The following ADAMTS18 variants were observed in gnomAD, a reference collection of about 807,000 sequenced individuals.
ADAMTS18 encodes the protein A disintegrin and metalloproteinase with thrombospondin motifs 18.
ADAMTS18 carries 157 observed loss-of-function variants against 165.9 expected under a neutral mutation model. The ratio of observed to expected loss-of-function variants is 0.95; its 90% confidence interval spans 0.83 to 1.08. ADAMTS18 has a LOEUF of 1.08. ADAMTS18 is among the 50% of genes least tolerant of loss of function. The pLI is 0.00. For synonymous variants in ADAMTS18, 782 were observed against 578.2 expected (o/e 1.35, Z -5.06); for missense variants, 2,040 against 1,534.0 (o/e 1.33, Z -5.51).
chr16:77,375,462 C>G lies in ADAMTS18; in HGVS notation c.496-7739G>C, dbSNP rs988571483. ...AGAAGGGGTGAGAGGAGCGGGGAAG[C>G]TAATTTTAGAGGGGAGGTAACGGAA... On this transcript the variant is annotated intron_variant, in intron 3 of 22. Coordinates refer to ENST00000282849, the MANE Select transcript of ADAMTS18 (RefSeq NM_199355.4). Among the ~76,000 whole-genome samples, 39 of 152,164 alleles carry G rather than the reference C, an allele frequency of 2.6e-4. 1 individual carries two copies. Among genetic ancestry groups the G allele is most frequent in the Non-Finnish European group, 2.9e-5 (2 of 68,028 alleles).
chr16:77,417,020 G>T (rs975480220), intron 3 of ADAMTS18, among the ~76,000 whole-genome samples: 1 of 152,144 alleles, frequency 6.6e-6, no homozygotes, highest in Non-Finnish European at 1.5e-5. Flanking sequence ...TGCTTACATT[G>T]CTTGCCCTTT....
rs1300764832 is a variant in ADAMTS18, at chr16:77,353,724, C to G, written c.1614+9G>C. On this transcript the variant is annotated intron_variant, in intron 10 of 22. Coordinates refer to ENST00000282849, the MANE Select transcript of ADAMTS18 (RefSeq NM_199355.4). ...CTTAATGTAAGTTTGAAATCACAAGCAAACATACCTTCACAAAACCAAGGC... is the reference window on the plus strand; with the variant it reads ...CTTAATGTAAGTTTGAAATCACAAGGAAACATACCTTCACAAAACCAAGGC... 1.2e-6 allele frequency: 2 copies of G among 1,614,164 alleles called. No individual in the cohort carries two copies. Among genetic ancestry groups the G allele is most frequent in the South Asian group, 1.1e-5 (1 of 91,078 alleles).
intron 16 of ADAMTS18, among the ~76,000 whole-genome samples, chr16:77,316,090 C>A (rs1451582903): frequency 6.6e-6 from 1 of 152,142 alleles, no homozygotes; most frequent in Non-Finnish European, 1.5e-5. Flanking sequence ...TTCTAGCTTC[C>A]AGTTCTCTAC....
At chr16:77,431,740 C>G (rs1673758815) in intron 2 of ADAMTS18, 129 bp from the exon 3 acceptor site, 5 of 984,550 alleles carry the variant, frequency 5.1e-6, no homozygotes, top group Non-Finnish European at 8.0e-6. Context: ...GCACCTAGAT[C>G]AAATATAATT....
intron 17 of ADAMTS18, among the ~76,000 whole-genome samples, chr16:77,299,259 A>T (rs549174533): frequency 3.9e-5 from 6 of 152,234 alleles, no homozygotes; most frequent in Admixed American, 2.0e-4. Context: ...ATAGATCAAA[A>T]TATTAACATT....
chr16:77,378,987 G>A lies in ADAMTS18; in HGVS notation c.496-11264C>T, dbSNP rs1247497359. On this transcript the variant is annotated intron_variant, in intron 3 of 22. Coordinates refer to ENST00000282849, the MANE Select transcript of ADAMTS18 (RefSeq NM_199355.4). Reference sequence around the variant, plus strand: ...TAAGCAAGGTTTGAAGACCTGAAAAGACACATATTGATGAAATTCTTACAG... The same window carrying A: ...TAAGCAAGGTTTGAAGACCTGAAAAAACACATATTGATGAAATTCTTACAG... The A allele has an allele frequency of 2.6e-5, 4 of 152,250 alleles. No homozygotes were observed. The East Asian group carries it at 7.7e-4, about 29-fold the overall frequency. 9.4% of individuals were successfully genotyped at this position (152,250 alleles called of 1,614,324 possible).
intron 4 of ADAMTS18, among the ~76,000 whole-genome samples, chr16:77,366,258 C>T (rs1442555681): frequency 6.6e-6 from 1 of 152,182 alleles, no homozygotes; most frequent in African/African-American, 2.4e-5. Flanking sequence ...ATACTTGATT[C>T]AGCTATTGAA....
chr16:77,422,223 G>A (rs977410215), intron 3 of ADAMTS18, among the ~76,000 whole-genome samples: 7 of 152,000 alleles, frequency 4.6e-5, no homozygotes, highest in African/African-American at 1.2e-4. Flanking sequence ...ACTGAGGCCC[G>A]CAGACAGGTG....
chr16:77,363,979 A>G (rs2056754442), intron 5 of ADAMTS18, 94 bp from the exon 6 acceptor site: 1 of 1,311,772 alleles, frequency 7.6e-7, no homozygotes, highest in Non-Finnish European at 1.1e-6. Flanking sequence ...GCAGGCTTTA[A>G]TTTTACCAAA....
In ADAMTS18 at chr16:77,368,437, C is replaced by CAT. The variant is rs1491182400; in HGVS notation, c.496-715_496-714insAT. Among the ~76,000 whole-genome samples the CAT allele has an allele frequency of 6.9e-4, 92 of 132,962 alleles. 1 individual carries two copies. The highest frequency in any genetic ancestry group is 2.4e-3 in the African/African-American group (87 of 35,818). 87.2% of individuals were successfully genotyped at this position (132,962 alleles called of 152,430 possible). ...GTTCACACTTGATTTTTCTTTTTTT[C>CAT]TTTTTTTTTTTTTTTTTGAGATTAG... On this transcript the variant is annotated intron_variant, in intron 3 of 22. Transcript: ENST00000282849.
chr16:77,418,863 A>G (rs973023058), intron 3 of ADAMTS18, among the ~76,000 whole-genome samples: 1 of 152,228 alleles, frequency 6.6e-6, no homozygotes, highest in African/African-American at 2.4e-5. Flanking sequence ...AAAACACCCA[A>G]TTATTCGCCG....
chr16:77,370,391 C>A (rs537318358), intron 3 of ADAMTS18, among the ~76,000 whole-genome samples: 1 of 152,102 alleles, frequency 6.6e-6, no homozygotes, highest in Non-Finnish European at 1.5e-5. Flanking sequence ...AGTTGTAGGA[C>A]GCAAAAATCA....
chr16:77,306,660 T>C (rs2055687339), intron 16 of ADAMTS18, among the ~76,000 whole-genome samples: 1 of 152,206 alleles, frequency 6.6e-6, no homozygotes, highest in African/African-American at 2.4e-5. Context: ...GAAACTCAAT[T>C]CCTGTCCTCA....
chr16:77,361,963 C>A, intron 7 of ADAMTS18, 142 bp downstream of exon 7: 1 of 948,164 alleles, frequency 1.1e-6, no homozygotes, highest in Non-Finnish European at 1.6e-6. Context: ...CAATAGTCAC[C>A]ACAGGGTACA....
chr16:77,425,993 C>T (rs180845682), intron 3 of ADAMTS18, among the ~76,000 whole-genome samples: 9 of 152,030 alleles, frequency 5.9e-5, no homozygotes, highest in East Asian at 3.9e-4. Context: ...TTGCAGTGGG[C>T]CGAGATCGCT....
chr16:77,382,046 G>C (rs1190715492), intron 3 of ADAMTS18, among the ~76,000 whole-genome samples: 1 of 152,068 alleles, frequency 6.6e-6, no homozygotes, highest in Non-Finnish European at 1.5e-5. Context: ...TTTCAGGGCA[G>C]AACTGGACTA....
rs4038556 is a variant in ADAMTS18, at chr16:77,282,925, T to TTTTTTTTTTTC, written c.*1030_*1031insGAAAAAAAAAA. On this transcript the variant is annotated 3_prime_UTR_variant, in exon 23 of 23. Coordinates refer to ENST00000282849, the MANE Select transcript of ADAMTS18 (RefSeq NM_199355.4). ...TTCTCTCTTTTTTTTTTTTTTTTTT[T>TTTTTTTTTTTC]TGCTGTTAGCTCAATCCTAGGGCAA... is the stretch of plus-strand genomic sequence containing the variant. 2 of 125,582 alleles carry TTTTTTTTTTTC rather than the reference T, an allele frequency of 1.6e-5. No individual in the cohort carries two copies. Among genetic ancestry groups the TTTTTTTTTTTC allele is most frequent in the Non-Finnish European group, 3.5e-5 (2 of 56,638 alleles). The allele number at this position is 125,582 out of a possible 1,614,324, so 7.8% of individuals were successfully genotyped here.
intron 22 of ADAMTS18, among the ~76,000 whole-genome samples, chr16:77,284,889 G>C (rs959012955): frequency 6.6e-6 from 1 of 152,052 alleles, no homozygotes; most frequent in Non-Finnish European, 1.5e-5. Flanking sequence ...GATGTATTGG[G>C]AGTCAAGCCA....
Position 77,353,734 on chromosome 16 carries a change from T to C in ADAMTS18, c.1613A>G (p.Lys538Arg), listed in dbSNP as rs757069621. The change falls in exon 10 of 23, where the codon AAG (lysine) becomes AGG (arginine). Residue 538 changes from lysine to arginine, a missense_variant and splice_region_variant. By Grantham distance (26) the Lys-to-Arg change is conservative. Transcript: ENST00000282849. ...KAKLCSLGFV[K>R]DICKSLWCHR... ...GTTTGAAATCACAAGCAAACATACC[T>C]TCACAAAACCAAGGCTGCATAACTT... is the stretch of plus-strand genomic sequence containing the variant. 6.2e-7 allele frequency: 1 copy of C among 1,614,066 alleles called. No individual in the cohort carries two copies. The highest frequency in any genetic ancestry group is 2.2e-5 in the East Asian group (1 of 44,892).
Sources: gnomAD v4.1 joint callset for allele counts (sites outside exome capture counted in the v4.1 genomes callset) on GRCh38, gnomAD v4.1.1 for gene constraint, MANE v1.5 for transcripts, NCBI Gene and HGNC (gene_info 2026-07-23, HGNC 2026-07-21) for gene names.